Variants in DMD observed in about 807,000 individuals in gnomAD.
The protein encoded by DMD is dystrophin.
Under a neutral mutation model 330.1 loss-of-function variants are expected in DMD, and 63 were observed. That is an observed-to-expected ratio of 0.19 (90% CI 0.16 to 0.24). The LOEUF (loss-of-function observed/expected upper bound fraction) is 0.24. Among genes scored for constraint, DMD ranks in the 10% least tolerant of loss-of-function variants. DMD has a pLI of 1.00. For missense variants in DMD, 3,344 were observed against 2,684.1 expected, an observed-to-expected ratio of 1.25 and a Z score of -5.43; for synonymous variants, 1,223 against 959.8, an observed-to-expected ratio of 1.27 and a Z score of -5.07.
At chrX:31,243,877 T>C (rs1051631637) in intron 63 of DMD, among the ~76,000 whole-genome samples, 2 of 112,356 alleles carry the variant, frequency 1.8e-5, no homozygotes, top group Admixed American at 9.4e-5. Context: ...CGTGGAACAG[T>C]AGAAAAATTG....
intron 37 of DMD, among the ~76,000 whole-genome samples, chrX:32,362,490 A>C (rs960161124): frequency 1.8e-5 from 2 of 111,134 alleles, no homozygotes; most frequent in Non-Finnish European, 3.8e-5. Flanking sequence ...TTTTTTCTGT[A>C]GGTGACCCCT....
intron 1 of DMD, among the ~76,000 whole-genome samples, chrX:33,191,584 C>G (rs1355492269): frequency 9.0e-6 from 1 of 110,942 alleles, no homozygotes; most frequent in Non-Finnish European, 1.9e-5. Context: ...CCACCACGTC[C>G]AGCTAATGTT....
At chrX:31,890,791 A>G (rs752283998) in intron 47 of DMD, among the ~76,000 whole-genome samples, 1 of 111,609 alleles carries the variant, frequency 9.0e-6, no homozygotes. Context: ...TCTAAAAAAC[A>G]AAACAAAACA....
rs2147071757 is a variant in DMD at position 31,223,108 on chromosome X, A to G, written c.9300T>C (p.Asn3100=). The change falls in exon 64 of 79, where the codon AAT becomes AAC. Residue 3100 remains asparagine (N), a synonymous_variant. Coordinates refer to ENST00000357033, the MANE Select transcript of DMD (RefSeq NM_004006.3). Reference sequence around the variant, plus strand: ...CAGTCCTATAAGCTGAGAATCTGACATTATTCAGGTCAGCTGAAAAGAGGG... The same window carrying G: ...CAGTCCTATAAGCTGAGAATCTGACGTTATTCAGGTCAGCTGAAAAGAGGG... ...ELYQSLADLN[N]VRFSAYRTAM... is the part of the protein sequence containing the mutation. 3.3e-6 allele frequency: 4 copies of G among 1,210,098 alleles called. No homozygotes were observed. Among genetic ancestry groups the G allele is most frequent in the African/African-American group, 1.7e-5 (1 of 57,782 alleles).
intron 54 of DMD, among the ~76,000 whole-genome samples, chrX:31,640,761 G>A (rs1433242815): frequency 8.9e-6 from 1 of 111,968 alleles, no homozygotes; most frequent in Non-Finnish European, 1.9e-5. Context: ...ATTTCTGAGG[G>A]GTGGAATAAC....
intron 44 of DMD, among the ~76,000 whole-genome samples, chrX:32,010,771 T>C (rs111781381): frequency 0.032 from 3,595 of 112,096 alleles, 160 homozygotes; most frequent in African/African-American, 0.11. Flanking sequence ...CATGACGGTA[T>C]TATCCTAACG....
intron 60 of DMD, among the ~76,000 whole-genome samples, chrX:31,428,418 A>G (rs1306948524): frequency 9.0e-6 from 1 of 111,711 alleles, no homozygotes; most frequent in Non-Finnish European, 1.9e-5. Context: ...CTGTCACCAC[A>G]CTTCCTGTAC....
At chrX:31,710,900 T>A (rs913405289) in intron 52 of DMD, among the ~76,000 whole-genome samples, 5 of 111,437 alleles carry the variant, frequency 4.5e-5, no homozygotes, top group Admixed American at 2.9e-4. Context: ...CATCATTTTT[T>A]AAAAATAATC....
intron 63 of DMD, among the ~76,000 whole-genome samples, chrX:31,228,712 A>G (rs1407743701): frequency 8.9e-6 from 1 of 111,810 alleles, no homozygotes; most frequent in Non-Finnish European, 1.9e-5. Context: ...CAGGACTCTG[A>G]TCCAAGTTGT....
At chrX:31,348,399 C>T (rs1005782010) in intron 61 of DMD, 157 bp downstream of exon 61, 2 of 561,724 alleles carry the variant, frequency 3.6e-6, no homozygotes, top group Middle Eastern at 4.5e-4. Context: ...ACCTTCTCAA[C>T]TTATCAACCA....
intron 34 of DMD, among the ~76,000 whole-genome samples, chrX:32,375,293 T>C (rs764680719): frequency 1.9e-3 from 210 of 112,405 alleles, no homozygotes; most frequent in African/African-American, 6.2e-3. Flanking sequence ...CTTATTCATC[T>C]CGCTGGAATT....
chrX:32,899,040 G>A (rs1490746534), intron 2 of DMD, among the ~76,000 whole-genome samples: 4 of 112,138 alleles, frequency 3.6e-5, no homozygotes, highest in Non-Finnish European at 7.5e-5. Context: ...GCACTGGGAT[G>A]TTTTACATAC....
chrX:31,928,947 CA>C (rs1294516457), intron 47 of DMD, among the ~76,000 whole-genome samples: 1 of 111,512 alleles, frequency 9.0e-6, no homozygotes. Context: ...ACAAAGATGC[CA>C]TGAAAATACA....
intron 56 of DMD, among the ~76,000 whole-genome samples, chrX:31,504,194 C>T (rs1295331053): frequency 1.8e-5 from 2 of 110,526 alleles, no homozygotes; most frequent in African/African-American, 3.3e-5. Flanking sequence ...TATGGCATAA[C>T]ATGATGACTT....
intron 9 of DMD, among the ~76,000 whole-genome samples, chrX:32,685,838 A>C (rs903574573): frequency 8.9e-6 from 1 of 111,947 alleles, no homozygotes; most frequent in Non-Finnish European, 1.9e-5. Context: ...AATTGATAGC[A>C]TTCTCATAAT....
intron 37 of DMD, among the ~76,000 whole-genome samples, chrX:32,355,292 C>T (rs1309443081): frequency 9.0e-6 from 1 of 111,011 alleles, no homozygotes; most frequent in Non-Finnish European, 1.9e-5. Flanking sequence ...AAGCAATGGA[C>T]TGAGATCTAG....
At chrX:31,560,613 A>G (rs2075140205) in intron 55 of DMD, among the ~76,000 whole-genome samples, 1 of 110,787 alleles carries the variant, frequency 9.0e-6, no homozygotes, top group Admixed American at 9.6e-5. Flanking sequence ...GGGTTCACCA[A>G]TATGTGCACA....
At chrX:32,746,576 T>C (rs2070042973) in intron 7 of DMD, among the ~76,000 whole-genome samples, 1 of 111,757 alleles carries the variant, frequency 8.9e-6, no homozygotes, top group South Asian at 3.8e-4. Context: ...TAATGTTTAA[T>C]CGACACATAA....
At chrX:32,092,724 CTTTTTTTTTTTT>C (rs11315047) in intron 44 of DMD, among the ~76,000 whole-genome samples, 792 of 39,824 alleles carry the variant, frequency 0.02, 22 homozygotes, top group African/African-American at 0.071. Context: ...GTTATTTTCA[CTTTTTTTTTTTT>C]TTTTTTTTTT....
Sources: allele counts gnomAD v4.1 joint callset (sites outside exome capture counted in the v4.1 genomes callset), GRCh38; gene constraint gnomAD v4.1.1; transcripts MANE v1.5; gene names NCBI Gene and HGNC (gene_info 2026-07-23, HGNC 2026-07-21).